Variants in GRAMD2B observed in about 807,000 individuals in gnomAD.
GRAMD2B encodes the protein GRAM domain containing 2B.
Under a neutral mutation model 59.2 loss-of-function variants are expected in GRAMD2B, and 41 were observed. The ratio of observed to expected loss-of-function variants is 0.69; its 90% CI spans 0.54 to 0.90. The LOEUF (loss-of-function observed/expected upper bound fraction) is 0.90, where lower values mean the gene tolerates loss of function less well. Among genes scored for constraint, GRAMD2B ranks in the 40% least tolerant of loss-of-function variants. GRAMD2B has a pLI of 0.00. For synonymous variants in GRAMD2B, 161 were observed against 182.7 expected (o/e 0.88, Z 0.96); for missense variants, 424 against 500.5 (o/e 0.85, Z 1.46).
intron 3 of GRAMD2B, among the ~76,000 whole-genome samples, chr5:126,471,996 G>A (rs532292625): frequency 9.5e-4 from 144 of 152,322 alleles, no homozygotes; most frequent in African/African-American, 3.3e-3. Context: ...CTCGGCAGTA[G>A]GCTGACCAGC....
chr5:126,384,836 G>A (rs957373703), intron 1 of GRAMD2B, among the ~76,000 whole-genome samples: 13 of 152,218 alleles, frequency 8.5e-5, no homozygotes. Flanking sequence ...CAGAAAGCCT[G>A]CCCTGGCACC....
At chr5:126,480,924 G>A (rs1269147481) in intron 8 of GRAMD2B, 2 of 578,292 alleles carry the variant, frequency 3.5e-6, no homozygotes, top group African/African-American at 3.7e-5. Context: ...CAAAAAGAAA[G>A]AAACACCTAG....
intron 1 of GRAMD2B, among the ~76,000 whole-genome samples, chr5:126,414,244 G>T: frequency 6.6e-6 from 1 of 152,222 alleles, no homozygotes; most frequent in East Asian, 1.9e-4. Flanking sequence ...AAATCTGGGG[G>T]CTTCGGTTTC....
chr5:126,483,358 C>A, intron 8 of GRAMD2B, 105 bp from the exon 9 acceptor site: 1 of 583,164 alleles, frequency 1.7e-6, no homozygotes, highest in Admixed American at 3.2e-5. Context: ...TCCTTCTATT[C>A]TATGTTTTAT....
At chr5:126,403,244 C>A (rs1757983730) in intron 1 of GRAMD2B, among the ~76,000 whole-genome samples, 1 of 151,938 alleles carries the variant, frequency 6.6e-6, no homozygotes, top group South Asian at 2.1e-4. Context: ...ATTTGATTCC[C>A]AAGCTAACCC....
chr5:126,452,084 A>G (rs1039303417), intron 1 of GRAMD2B, among the ~76,000 whole-genome samples: 2 of 152,170 alleles, frequency 1.3e-5, no homozygotes, highest in African/African-American at 4.8e-5. Flanking sequence ...TAAATTACCC[A>G]GTCTTGGGTA....
rs1772535074 is a variant in GRAMD2B, at chr5:126,484,586, T to A, written c.970+62T>A. ...GGATTGGAGATGTCTGTTTGTAACT[T>A]TTTTTTTTTTTTTAGACAGCATCTT... On this transcript the variant is annotated intron_variant, in intron 10 of 13. Coordinates refer to ENST00000285689, the MANE Select transcript of GRAMD2B (RefSeq NM_023927.4). The A allele has an allele frequency of 2.8e-6, 3 of 1,060,274 alleles. No individual in the cohort carries two copies. The African/African-American group carries it at 6.1e-5, about 22-fold the overall frequency. The allele number at this position is 1,060,274 out of a possible 1,614,324, so 65.7% of individuals were successfully genotyped here. A position where few individuals can be genotyped will look rare whatever the true frequency, so the allele number is the denominator to read the frequency against.
intron 2 of GRAMD2B, chr5:126,467,465 G>A (rs775352472): frequency 5.9e-5 from 9 of 152,128 alleles, no homozygotes; most frequent in Non-Finnish European, 1.2e-4. Flanking sequence ...CCAGTGTCAT[G>A]CAGATGAACC....
Position 126,483,451 on chromosome 5 carries a change from G to A in GRAMD2B, c.736-12G>A. 2 of 1,546,924 alleles carry A rather than the reference G, an allele frequency of 1.3e-6. No homozygotes were observed. Among genetic ancestry groups the A allele is most frequent in the Non-Finnish European group, 1.8e-6 (2 of 1,119,538 alleles). ...AATATCAGCCTGTCTTCATTTCACT[G>A]TTTCCTTTCAGGATTTCAATGATGA... On this transcript the variant is annotated splice_polypyrimidine_tract_variant and intron_variant, in intron 8 of 13. Coordinates refer to ENST00000285689, the MANE Select transcript of GRAMD2B (RefSeq NM_023927.4).
chr5:126,483,430 T>C, intron 8 of GRAMD2B, 33 bp from the exon 9 acceptor site: 1 of 1,348,896 alleles, frequency 7.4e-7, no homozygotes, highest in Non-Finnish European at 1.1e-6. Context: ...TAAGGGAATA[T>C]CAGCCTGTCT....
intron 1 of GRAMD2B, among the ~76,000 whole-genome samples, chr5:126,434,946 T>C (rs1762175395): frequency 6.6e-6 from 1 of 152,232 alleles, no homozygotes; most frequent in Non-Finnish European, 1.5e-5. Context: ...ATTCTCCTGT[T>C]CTTGACTTTG....
At chr5:126,483,892 C>G (rs1772350860) in intron 9 of GRAMD2B, among the ~76,000 whole-genome samples, 1 of 152,238 alleles carries the variant, frequency 6.6e-6, no homozygotes, top group South Asian at 2.1e-4. Flanking sequence ...TGCAATGGCA[C>G]AATCTCGGCT....
In GRAMD2B at chr5:126,456,355, T is replaced by G. The variant is rs6879608; in HGVS notation, c.84-9071T>G. ...CATCCTGAGCAGCTGGAACCACAGG[T>G]GCACACCACCATACCCGGCTAAATT... On this transcript the variant is annotated intron_variant, in intron 1 of 13. Transcript: ENST00000285689. Among the ~76,000 whole-genome samples the G allele has an allele frequency of 3.7e-3, 565 of 151,654 alleles. 6 individuals are homozygous for G. Among genetic ancestry groups the G allele is most frequent in the African/African-American group, 0.013 (542 of 41,338 alleles).
At chr5:126,471,989 G>A (rs1017537629) in intron 3 of GRAMD2B, among the ~76,000 whole-genome samples, 9 of 152,090 alleles carry the variant, frequency 5.9e-5, no homozygotes, top group South Asian at 4.2e-4. Flanking sequence ...CTGTTACCTC[G>A]GCAGTAGGCT....
chr5:126,464,076 A>T (rs1352147448), intron 1 of GRAMD2B, among the ~76,000 whole-genome samples: 1 of 152,076 alleles, frequency 6.6e-6, no homozygotes, highest in East Asian at 1.9e-4. Flanking sequence ...TATTAGTTAG[A>T]TACCCTTGTC....
At chr5:126,403,735 T>C (rs1418870930) in intron 1 of GRAMD2B, among the ~76,000 whole-genome samples, 2 of 151,968 alleles carry the variant, frequency 1.3e-5, no homozygotes, top group African/African-American at 4.8e-5. Flanking sequence ...TAAGGCAACT[T>C]ATATCTCCAC....
intron 1 of GRAMD2B, among the ~76,000 whole-genome samples, chr5:126,395,503 A>G (rs1032685454): frequency 2.6e-5 from 4 of 152,224 alleles, no homozygotes; most frequent in African/African-American, 9.6e-5. Context: ...ACCTCCCAGC[A>G]TGGCTCCAGG....
chr5:126,474,593 T>C (rs1287731819), intron 5 of GRAMD2B, among the ~76,000 whole-genome samples: 1 of 152,188 alleles, frequency 6.6e-6, no homozygotes, highest in Non-Finnish European at 1.5e-5. Context: ...TACTGATCAA[T>C]GTGATATAGT....
rs1400428075 is a variant in GRAMD2B, at chr5:126,485,774, G to GT, written c.1058+2dup. The GT allele has an allele frequency of 6.4e-7, 1 of 1,567,104 alleles. No individual in the cohort carries two copies. The highest frequency in any genetic ancestry group is 8.8e-7 in the Non-Finnish European group (1 of 1,141,930). ...ATATTCTTATATTCTATGCAATTGT[G>GT]TAAGTACATGAATTTACTGTGAGTG... is the stretch of plus-strand genomic sequence containing the variant. On this transcript the variant is annotated splice_donor_variant, in intron 11 of 13. Coordinates refer to ENST00000285689, the MANE Select transcript of GRAMD2B (RefSeq NM_023927.4). LOFTEE classifies it high-confidence loss of function.
Sources: allele counts gnomAD v4.1 joint callset (sites outside exome capture counted in the v4.1 genomes callset), GRCh38; gene constraint gnomAD v4.1.1; transcripts MANE v1.5; gene names NCBI Gene and HGNC (gene_info 2026-07-23, HGNC 2026-07-21).